Variants in CDC42BPA observed in about 807,000 individuals in gnomAD.
CDC42BPA encodes CDC42 binding protein kinase alpha, also known as serine/threonine-protein kinase MRCK alpha.
A neutral mutation model predicts 223.5 loss-of-function variants in CDC42BPA; 80 were observed. That is an observed-to-expected ratio of 0.36 (90% confidence interval 0.30 to 0.43). CDC42BPA has a LOEUF of 0.43. Among genes scored for constraint, CDC42BPA ranks in the 20% least tolerant of loss-of-function variants. The pLI is 1.00. For missense variants in CDC42BPA, 1,743 were observed against 2,099.9 expected (o/e 0.83, Z 3.32); for synonymous variants, 694 against 718.6 (o/e 0.97, Z 0.55).
chr1:227,062,299 G>A (rs2148968128), intron 21 of CDC42BPA, among the ~76,000 whole-genome samples: 1 of 152,248 alleles, frequency 6.6e-6, no homozygotes, highest in East Asian at 1.9e-4. Flanking sequence ...TTATGTAGTT[G>A]TTTTATGATT....
At chr1:227,021,977 G>C (rs985163403) in intron 32 of CDC42BPA, among the ~76,000 whole-genome samples, 5 of 151,906 alleles carry the variant, frequency 3.3e-5, no homozygotes, top group African/African-American at 1.2e-4. Flanking sequence ...CTGAGATGGT[G>C]CCACTGCACT....
intron 2 of CDC42BPA, among the ~76,000 whole-genome samples, chr1:227,220,860 T>A (rs760934395): frequency 2.0e-5 from 3 of 152,066 alleles, no homozygotes; most frequent in African/African-American, 4.8e-5. Flanking sequence ...CCATTCCCCA[T>A]CCAAGAACAA....
chr1:227,275,060 A>G (rs1686686201), intron 1 of CDC42BPA, among the ~76,000 whole-genome samples: 2 of 144,886 alleles, frequency 1.4e-5, no homozygotes, highest in South Asian at 4.4e-4. Flanking sequence ...AATCTAGTAG[A>G]CACAAATGCA....
intron 29 of CDC42BPA, among the ~76,000 whole-genome samples, chr1:227,029,814 A>G (rs993802042): frequency 1.3e-5 from 2 of 152,168 alleles, no homozygotes; most frequent in African/African-American, 4.8e-5. Flanking sequence ...CAAGTTGTAT[A>G]TATTTTTTTT....
chr1:227,084,547 T>TAAAA lies in CDC42BPA; in HGVS notation c.2356-3531_2356-3530insTTTT, dbSNP rs1179303863. On this transcript the variant is annotated intron_variant, in intron 16 of 36. Coordinates refer to ENST00000366766, the MANE Select transcript of CDC42BPA (RefSeq NM_001394014.1). ...CATCTCAAAAAAAAAAAAAAAAAAT[T>TAAAA]TTTTTTTCATGAAAAAATATTTGCA... Among the ~76,000 whole-genome samples, 49 of 123,314 alleles carry TAAAA rather than the reference T, an allele frequency of 4.0e-4. 1 individual carries two copies. Among genetic ancestry groups the TAAAA allele is most frequent in the Non-Finnish European group, 2.4e-4 (14 of 58,024 alleles). 80.9% of individuals were successfully genotyped at this position (123,314 alleles called of 152,430 possible).
chr1:227,076,711 T>C lies in CDC42BPA; in HGVS notation c.2481-2347A>G, dbSNP rs1342101496. On this transcript the variant is annotated intron_variant, in intron 17 of 36. Coordinates refer to ENST00000366766, the MANE Select transcript of CDC42BPA (RefSeq NM_001394014.1). ...TTCTTAATAACAGTTATTATTACTATACATAATCACCCTCCCTACTACACC... is the reference window on the plus strand; with the variant it reads ...TTCTTAATAACAGTTATTATTACTACACATAATCACCCTCCCTACTACACC... Among the ~76,000 whole-genome samples, 5 of 152,316 alleles carry C rather than the reference T, an allele frequency of 3.3e-5. No homozygotes were observed. The South Asian group carries it at 8.3e-4, about 25-fold the overall frequency.
chr1:227,043,285 C>A (rs996401214), intron 23 of CDC42BPA, among the ~76,000 whole-genome samples: 1 of 151,874 alleles, frequency 6.6e-6, no homozygotes, highest in Non-Finnish European at 1.5e-5. Context: ...TGGTGGCATG[C>A]GCCTATAGTC....
intron 15 of CDC42BPA, among the ~76,000 whole-genome samples, chr1:227,100,450 TTA>T (rs1684809208): frequency 6.6e-6 from 1 of 152,186 alleles, no homozygotes; most frequent in Admixed American, 6.6e-5. Flanking sequence ...TCTCATCTAT[TTA>T]TGTTTCAGTC....
chr1:227,096,194 C>T (rs1683965388), intron 15 of CDC42BPA, among the ~76,000 whole-genome samples: 1 of 152,146 alleles, frequency 6.6e-6, no homozygotes, highest in Non-Finnish European at 1.5e-5. Context: ...TATCTATAGA[C>T]AGATGTTAAA....
At chr1:227,249,007 G>A (rs1308754826) in intron 2 of CDC42BPA, among the ~76,000 whole-genome samples, 1 of 152,040 alleles carries the variant, frequency 6.6e-6, no homozygotes, top group Non-Finnish European at 1.5e-5. Context: ...AACAAAACTG[G>A]AAGAATCATA....
At chr1:227,308,796 A>C (rs550806253) in intron 1 of CDC42BPA, among the ~76,000 whole-genome samples, 2 of 152,334 alleles carry the variant, frequency 1.3e-5, no homozygotes, top group African/African-American at 4.8e-5. Context: ...TTCACCATGG[A>C]AACTCTAAGG....
chr1:227,143,075 A>ATATTTAT, intron 8 of CDC42BPA, 51 bp from the exon 9 acceptor site: 2 of 1,169,092 alleles, frequency 1.7e-6, no homozygotes, highest in Non-Finnish European at 2.3e-6. Flanking sequence ...TATGATCTGT[A>ATATTTAT]GGCTTGGCTA....
At chr1:227,205,522 G>A (rs1672570363) in intron 3 of CDC42BPA, among the ~76,000 whole-genome samples, 1 of 77,024 alleles carries the variant, frequency 1.3e-5, no homozygotes, top group Admixed American at 1.3e-4. Context: ...AAGACAGAAG[G>A]ACTTAGGGGT....
chr1:227,018,032 A>AATTATTATT (rs56236828), intron 32 of CDC42BPA, among the ~76,000 whole-genome samples: 37,371 of 144,890 alleles, frequency 0.26, 4,912 homozygotes, highest in African/African-American at 0.28. Context: ...TTAAAAATAG[A>AATTATTATT]ATTATTATTA....
At chr1:227,247,754 C>A (rs926401986) in intron 2 of CDC42BPA, among the ~76,000 whole-genome samples, 1 of 151,834 alleles carries the variant, frequency 6.6e-6, no homozygotes, top group Admixed American at 6.6e-5. Context: ...GCGTGGTATG[C>A]ACCTGTAGTC....
intron 5 of CDC42BPA, among the ~76,000 whole-genome samples, chr1:227,171,589 C>T (rs1395894228): frequency 6.6e-6 from 1 of 152,046 alleles, no homozygotes; most frequent in Non-Finnish European, 1.5e-5. Context: ...TACACTCTAG[C>T]CTGGGTGACA....
intron 6 of CDC42BPA, among the ~76,000 whole-genome samples, chr1:227,159,846 G>T (rs1036438824): frequency 6.6e-6 from 1 of 151,688 alleles, no homozygotes; most frequent in Admixed American, 6.6e-5. Context: ...GGGTGGCTCT[G>T]GGGGAGTGAG....
chr1:227,303,154 A>T (rs192933564), intron 1 of CDC42BPA, among the ~76,000 whole-genome samples: 1 of 152,220 alleles, frequency 6.6e-6, no homozygotes, highest in African/African-American at 2.4e-5. Flanking sequence ...AATTACGAGA[A>T]CTAAAACATG....
chr1:227,271,594 TTC>T (rs1685964516), intron 1 of CDC42BPA, among the ~76,000 whole-genome samples: 2 of 152,148 alleles, frequency 1.3e-5, no homozygotes, highest in South Asian at 4.1e-4. Context: ...CTAACTGGCA[TTC>T]TAGTTCATCT....
Sources: allele counts gnomAD v4.1 joint callset (sites outside exome capture counted in the v4.1 genomes callset), GRCh38; gene constraint gnomAD v4.1.1; transcripts MANE v1.5; gene names NCBI Gene and HGNC (gene_info 2026-07-23, HGNC 2026-07-21).